Variants in OPHN1 observed in about 807,000 individuals in gnomAD.
The protein encoded by OPHN1 is oligophrenin 1.
Under a neutral mutation model 60.7 loss-of-function variants are expected in OPHN1, and 11 were observed. That is an observed-to-expected ratio of 0.18 (90% CI 0.11 to 0.30). The LOEUF (loss-of-function observed/expected upper bound fraction) is 0.30. Ranked by LOEUF, OPHN1 falls within the 10% of genes least tolerant of loss-of-function variation. The pLI is 1.00. For missense variants in OPHN1, 449 were observed against 611.0 expected (o/e 0.73, Z 2.80); for synonymous variants, 226 against 222.6 (o/e 1.02, Z -0.14).
chrX:68,311,662 A>G (rs1054786404), intron 2 of OPHN1, among the ~76,000 whole-genome samples: 2 of 112,044 alleles, frequency 1.8e-5, no homozygotes, highest in African/African-American at 6.5e-5. Flanking sequence ...CGAGCTCCTG[A>G]CCTCAAGTGA....
At chrX:68,281,917 A>G (rs1254246669) in intron 4 of OPHN1, among the ~76,000 whole-genome samples, 1 of 112,470 alleles carries the variant, frequency 8.9e-6, no homozygotes, top group Non-Finnish European at 1.9e-5. Flanking sequence ...ACAACAGCAA[A>G]TGCTGGTAAG....
intron 5 of OPHN1, among the ~76,000 whole-genome samples, chrX:68,253,667 T>C (rs754072121): frequency 1.2e-4 from 13 of 112,125 alleles, no homozygotes; most frequent in Non-Finnish European, 1.9e-5. Flanking sequence ...TAAACCACAA[T>C]ATGCTTACAT....
At chrX:68,367,656 T>G (rs994908885) in intron 2 of OPHN1, among the ~76,000 whole-genome samples, 19 of 111,684 alleles carry the variant, frequency 1.7e-4, no homozygotes, top group African/African-American at 5.9e-4. Flanking sequence ...TTGATATGGT[T>G]TGGCTCTGTG....
rs746116643 is a variant in OPHN1 at position 68,265,871 on chromosome X, C to A, written c.384+8867G>T. On this transcript the variant is annotated intron_variant, in intron 5 of 24. Coordinates refer to ENST00000355520, the MANE Select transcript of OPHN1 (RefSeq NM_002547.3). Reference sequence around the variant, plus strand: ...GCTGAAAGTCAAGGCACAAGAACTACATGATGAATGCACAAGCCTCTGTAG... The same window carrying A: ...GCTGAAAGTCAAGGCACAAGAACTAAATGATGAATGCACAAGCCTCTGTAG... 3.6e-5 allele frequency among the ~76,000 whole-genome samples: 4 copies of A among 111,591 alleles called. No individual in the cohort carries two copies. In the South Asian group the frequency reaches 1.5e-3, roughly 43 times the overall value.
At chrX:68,279,802 G>A (rs1056549333) in intron 4 of OPHN1, among the ~76,000 whole-genome samples, 5 of 111,816 alleles carry the variant, frequency 4.5e-5, no homozygotes, top group Admixed American at 9.5e-5. Context: ...AAGTTGTTGG[G>A]ACAAAAGGGC....
intron 5 of OPHN1, among the ~76,000 whole-genome samples, chrX:68,268,237 T>C (rs1018394527): frequency 8.1e-5 from 9 of 111,797 alleles, no homozygotes; most frequent in Non-Finnish European, 1.7e-4. Context: ...CTAACTCATT[T>C]TATGAGGCCA....
chrX:68,217,362 G>A (rs1188691539), intron 6 of OPHN1, among the ~76,000 whole-genome samples: 3 of 111,798 alleles, frequency 2.7e-5, no homozygotes, highest in Admixed American at 9.4e-5. Context: ...AGGGGCGCCC[G>A]CCATTGCCCA....
chrX:68,318,391 T>C (rs1386357044), intron 2 of OPHN1, among the ~76,000 whole-genome samples: 5 of 111,911 alleles, frequency 4.5e-5, no homozygotes, highest in Non-Finnish European at 7.5e-5. Context: ...GCAAGATTTT[T>C]TTGGGGCAAA....
At chrX:68,277,473 G>C (rs1307200813) in intron 4 of OPHN1, among the ~76,000 whole-genome samples, 1 of 112,075 alleles carries the variant, frequency 8.9e-6, no homozygotes, top group East Asian at 2.8e-4. Context: ...TAGATAATTA[G>C]AAAGACAATT....
At chrX:68,324,467 A>G (rs994519173) in intron 2 of OPHN1, among the ~76,000 whole-genome samples, 2 of 106,424 alleles carry the variant, frequency 1.9e-5, no homozygotes, top group Non-Finnish European at 3.9e-5. Context: ...AAAAATAGCC[A>G]GGTATGGTGG....
intron 2 of OPHN1, chrX:68,336,398 T>A (rs961912664): frequency 1.8e-5 from 2 of 108,849 alleles, no homozygotes; most frequent in African/African-American, 6.7e-5. Flanking sequence ...TTAATTAATT[T>A]AAAAAATTAG....
At chrX:68,267,340 A>G (rs1333225771) in intron 5 of OPHN1, among the ~76,000 whole-genome samples, 1 of 112,177 alleles carries the variant, frequency 8.9e-6, no homozygotes, top group Non-Finnish European at 1.9e-5. Context: ...CTCAGACCAC[A>G]GTGCAATCAA....
chrX:68,396,527 T>G (rs1333789979), intron 2 of OPHN1, among the ~76,000 whole-genome samples: 2 of 108,574 alleles, frequency 1.8e-5, no homozygotes, highest in Non-Finnish European at 3.8e-5. Context: ...TGAATACGAA[T>G]GAGTTGGCCA....
intron 15 of OPHN1, among the ~76,000 whole-genome samples, chrX:68,128,472 T>C (rs933968385): frequency 9.2e-6 from 1 of 108,113 alleles, no homozygotes; most frequent in South Asian, 4.3e-4. Flanking sequence ...AAAATTGTAA[T>C]AGAAAAAAAC....
rs1230764935 is a variant in OPHN1, at chrX:68,327,825, CT to C, written c.155-28730del. Among the ~76,000 whole-genome samples the C allele has an allele frequency of 2.9e-3, 241 of 84,507 alleles. 4 individuals are homozygous for C. Among genetic ancestry groups the C allele is most frequent in the South Asian group, 0.01 (21 of 2,053 alleles). The allele number at this position is 84,507 out of a possible 115,157, so 73.4% of individuals were successfully genotyped here. A position where few individuals can be genotyped will look rare whatever the true frequency, so the allele number is the denominator to read the frequency against. The stretch of plus-strand genomic sequence containing the variant: ...AAAAAAAAAAAAAAAAAATTTTAAA[CT>C]TTTTTTTTTTTTTTGAGACGGAGTC... On this transcript the variant is annotated intron_variant, in intron 2 of 24. Transcript: ENST00000355520.
At chrX:68,163,275 C>A (rs897226720) in intron 15 of OPHN1, among the ~76,000 whole-genome samples, 3 of 108,014 alleles carry the variant, frequency 2.8e-5, no homozygotes, top group Non-Finnish European at 5.9e-5. Context: ...TACACAAAAA[C>A]CACTGAATTT....
At chrX:68,199,717 C>G (rs1448425183) in intron 11 of OPHN1, among the ~76,000 whole-genome samples, 1 of 111,800 alleles carries the variant, frequency 8.9e-6, no homozygotes, top group Non-Finnish European at 1.9e-5. Flanking sequence ...ATTTAACGCT[C>G]TACTTTGCAG....
rs750754648 is a variant in OPHN1, at chrX:68,317,462, A to AGAG, written c.155-18369_155-18367dup. Among the ~76,000 whole-genome samples the AGAG allele has an allele frequency of 3.1e-3, 297 of 95,146 alleles. 8 individuals are homozygous for AGAG. The highest frequency in any genetic ancestry group is 0.011 in the African/African-American group (280 of 26,120). The allele number at this position is 95,146 out of a possible 115,157, so 82.6% of individuals were successfully genotyped here. ...AGAAAAGAAAAAGAGAAGAAGAAGA[A>AGAG]GAGGAGGAGGAGGAGGAAGGGAGAG... On this transcript the variant is annotated intron_variant, in intron 2 of 24. Transcript: ENST00000355520.
At chrX:68,095,515 C>T (rs1423221347) in intron 19 of OPHN1, among the ~76,000 whole-genome samples, 2 of 112,139 alleles carry the variant, frequency 1.8e-5, no homozygotes, top group African/African-American at 3.2e-5. Flanking sequence ...CCAGGCATTG[C>T]TCCCTGGATG....
Sources: gnomAD v4.1 joint callset for allele counts (sites outside exome capture counted in the v4.1 genomes callset) on GRCh38, gnomAD v4.1.1 for gene constraint, MANE v1.5 for transcripts, NCBI Gene and HGNC (gene_info 2026-07-23, HGNC 2026-07-21) for gene names.